Variants in ASAP1 observed in about 807,000 individuals in gnomAD.
ASAP1 encodes the protein ArfGAP with SH3 domain, ankyrin repeat and PH domain 1.
ASAP1 carries 43 observed loss-of-function variants against 145.2 expected under a neutral mutation model. The ratio of observed to expected loss-of-function variants is 0.30; its 90% CI spans 0.23 to 0.38. The LOEUF is 0.38. ASAP1 is among the 10% of genes least tolerant of loss of function. The pLI is 1.00. For missense variants in ASAP1, 1,018 were observed against 1,355.3 expected, an observed-to-expected ratio of 0.75 and a Z score of 3.91; for synonymous variants, 546 against 515.5, an observed-to-expected ratio of 1.06 and a Z score of -0.80.
chr8:130,361,922 A>AG (rs1251754014), intron 2 of ASAP1, among the ~76,000 whole-genome samples: 41 of 152,038 alleles, frequency 2.7e-4, no homozygotes, highest in Non-Finnish European at 5.6e-4. Flanking sequence ...TAAAGCAAGC[A>AG]TCATCTCTGT....
At chr8:130,419,471 A>G (rs1262348582) in intron 1 of ASAP1, among the ~76,000 whole-genome samples, 2 of 152,170 alleles carry the variant, frequency 1.3e-5, no homozygotes, top group Non-Finnish European at 2.9e-5. Flanking sequence ...TGTGAAGCTA[A>G]AAACGGCTGC....
At position 130,076,256 on chromosome 8, in the gene ASAP1, G is replaced by A. The variant is rs955400085; in HGVS notation, c.2701+92C>T. ...GGTGCTGCTCTAGGCATTTGGGATG[G>A]ATCAATGAACAAGGGAGATAAAAAC... On this transcript the variant is annotated intron_variant, in intron 27 of 29. Coordinates refer to ENST00000518721, the MANE Select transcript of ASAP1 (RefSeq NM_018482.4). The A allele has an allele frequency of 1.2e-5, 10 of 837,432 alleles. No individual in the cohort carries two copies. In the African/African-American group the frequency reaches 1.4e-4, roughly 12 times the overall value. 51.9% of individuals were successfully genotyped at this position (837,432 alleles called of 1,614,324 possible). A position where few individuals can be genotyped will look rare whatever the true frequency, so the allele number is the denominator to read the frequency against.
intron 3 of ASAP1, among the ~76,000 whole-genome samples, chr8:130,271,014 G>A (rs971118178): frequency 3.3e-5 from 5 of 152,202 alleles, no homozygotes; most frequent in Non-Finnish European, 7.4e-5. Flanking sequence ...GCAATCTGAG[G>A]ATCACACCGT....
rs1365682310 is a variant in ASAP1 at position 130,358,392 on chromosome 8, G to C, written c.60-249C>G. 6.7e-6 allele frequency among the ~76,000 whole-genome samples: 1 copy of C among 148,344 alleles called. No individual in the cohort carries two copies. Among genetic ancestry groups the C allele is most frequent in the African/African-American group, 2.4e-5 (1 of 40,944 alleles). ...AACTCCAAGCCGCGCGCGAGGCAGG[G>C]GGCTCTCCGGGACCCGCCTCCCTCT... On this transcript the variant is annotated intron_variant, in intron 2 of 29. Coordinates refer to ENST00000518721, the MANE Select transcript of ASAP1 (RefSeq NM_018482.4). This position sits in a 1 kb window ranked among gnomAD's most constrained non-coding sequence, Gnocchi z 4.1.
chr8:130,267,115 C>CAAAAAAAAAAAAAAAAAAAAAAA (rs1820298094), intron 3 of ASAP1, among the ~76,000 whole-genome samples: 1 of 126,976 alleles, frequency 7.9e-6, no homozygotes, highest in Non-Finnish European at 1.8e-5. Context: ...AACAAACAAA[C>CAAAAAAAAAAAAAAAAAAAAAAA]AAACAAACAA....
At chr8:130,252,115 G>A (rs1019639975) in intron 3 of ASAP1, among the ~76,000 whole-genome samples, 4 of 151,890 alleles carry the variant, frequency 2.6e-5, no homozygotes, top group African/African-American at 9.7e-5. Flanking sequence ...ACAGTAAAAT[G>A]GTAAACTAAA....
chr8:130,436,188 G>A (rs1248638847), intron 1 of ASAP1, among the ~76,000 whole-genome samples: 2 of 152,340 alleles, frequency 1.3e-5, no homozygotes, highest in East Asian at 1.9e-4. Context: ...TGAACTGAAA[G>A]AGAACTAAGA....
chr8:130,173,683 G>A (rs557642966), intron 9 of ASAP1, among the ~76,000 whole-genome samples: 2 of 151,796 alleles, frequency 1.3e-5, no homozygotes, highest in African/African-American at 2.4e-5. Context: ...TGGGTGGATC[G>A]CTTGAACCCA....
chr8:130,396,780 G>A (rs1828550169), intron 2 of ASAP1, among the ~76,000 whole-genome samples: 1 of 152,230 alleles, frequency 6.6e-6, no homozygotes, highest in Non-Finnish European at 1.5e-5. Flanking sequence ...CTGACAGCCT[G>A]TGGCATGATA....
chr8:130,262,416 A>AGAGAGAG (rs1363566398), intron 3 of ASAP1, among the ~76,000 whole-genome samples: 1 of 57,850 alleles, frequency 1.7e-5, no homozygotes, highest in Non-Finnish European at 3.0e-5. Context: ...AAAAAAAAAA[A>AGAGAGAG]AGAGAGAGAG....
intron 25 of ASAP1, among the ~76,000 whole-genome samples, chr8:130,086,271 T>G (rs2097492866): frequency 6.6e-6 from 1 of 152,186 alleles, no homozygotes; most frequent in Non-Finnish European, 1.5e-5. Context: ...TGAGAAACAG[T>G]GTAAATCACT....
intron 5 of ASAP1, among the ~76,000 whole-genome samples, chr8:130,198,871 C>T (rs1815684885): frequency 6.6e-6 from 1 of 152,192 alleles, no homozygotes; most frequent in South Asian, 2.1e-4. Context: ...TGGCTTCCCA[C>T]TGAACTACAC....
At chr8:130,106,832 C>T (rs1427811226) in intron 24 of ASAP1, among the ~76,000 whole-genome samples, 1 of 152,168 alleles carries the variant, frequency 6.6e-6, no homozygotes, top group Non-Finnish European at 1.5e-5. Flanking sequence ...CCTGCTCCTC[C>T]AGGAATACTC....
Position 130,137,042 on chromosome 8 carries a change from GA to G in ASAP1, c.1081-5del, listed in dbSNP as rs1325990132. ...ACTTGGCTGGTTGCCTGTTAGACTG[GA>G]AAAAAAGAGAAAATGGAGAAGTTAC... On this transcript the variant is annotated splice_region_variant and splice_polypyrimidine_tract_variant and intron_variant, in intron 13 of 29. Transcript: ENST00000518721. 3.1e-6 allele frequency: 5 copies of G among 1,612,712 alleles called. No homozygotes were observed. The South Asian group carries it at 5.5e-5, about 18-fold the overall frequency.
At chr8:130,206,640 G>A (rs1268988990) in intron 5 of ASAP1, among the ~76,000 whole-genome samples, 2 of 152,184 alleles carry the variant, frequency 1.3e-5, no homozygotes, top group East Asian at 3.8e-4. Flanking sequence ...GGCCTCCGGA[G>A]AGAAGAAACC....
intron 3 of ASAP1, among the ~76,000 whole-genome samples, chr8:130,341,152 C>T (rs544918088): frequency 1.3e-5 from 2 of 152,070 alleles, no homozygotes; most frequent in Non-Finnish European, 1.5e-5. Flanking sequence ...CACAAAACTT[C>T]CAACTGACTG....
At chr8:130,386,149 C>A (rs559790360) in intron 2 of ASAP1, among the ~76,000 whole-genome samples, 4 of 152,206 alleles carry the variant, frequency 2.6e-5, no homozygotes, top group Admixed American at 1.3e-4. Context: ...ACTTGGAGAA[C>A]CTGAGAATAC....
At chr8:130,374,409 C>T (rs1827379338) in intron 2 of ASAP1, among the ~76,000 whole-genome samples, 3 of 152,210 alleles carry the variant, frequency 2.0e-5, no homozygotes, top group Admixed American at 2.0e-4. Flanking sequence ...GTGGCTCACA[C>T]CTGTAATTCC....
chr8:130,364,530 T>C (rs1179500361), intron 2 of ASAP1, among the ~76,000 whole-genome samples: 2 of 152,228 alleles, frequency 1.3e-5, no homozygotes, highest in Non-Finnish European at 2.9e-5. Flanking sequence ...CACCATGCTC[T>C]GTTGGCTTAT....
Sources: allele counts gnomAD v4.1 joint callset (sites outside exome capture counted in the v4.1 genomes callset), GRCh38; gene constraint gnomAD v4.1.1; non-coding constraint Gnocchi (gnomAD v3.1); transcripts MANE v1.5; gene names NCBI Gene and HGNC (gene_info 2026-07-23, HGNC 2026-07-21).